IL20RB: variants seen among roughly 807,000 people sequenced by gnomAD.
IL20RB encodes interleukin 20 receptor subunit beta.
In IL20RB, 21 loss-of-function variants were observed where a neutral mutation model predicts 33.3. That is an observed-to-expected ratio of 0.63 (90% CI 0.45 to 0.91). The LOEUF is 0.91. Ranked by LOEUF, IL20RB falls within the 40% of genes least tolerant of loss-of-function variation. IL20RB has a pLI of 0.00. For missense variants in IL20RB, 345 were observed against 384.8 expected (o/e 0.90, Z 0.86); for synonymous variants, 147 against 146.8 (o/e 1.00, Z -0.01).
chr3:136,985,885 T>C (rs559518296), intron 3 of IL20RB, among the ~76,000 whole-genome samples: 1 of 152,178 alleles, frequency 6.6e-6, no homozygotes, highest in African/African-American at 2.4e-5. Flanking sequence ...GAGGTAGAAA[T>C]GTAGAAAGAA....
chr3:136,970,131 A>G (rs1268349701), intron 1 of IL20RB, among the ~76,000 whole-genome samples: 2 of 150,922 alleles, frequency 1.3e-5, no homozygotes, highest in East Asian at 3.9e-4. Context: ...ACACTCTGTC[A>G]CCCCAGGCTA....
At chr3:136,986,245 A>AC in intron 3 of IL20RB, among the ~76,000 whole-genome samples, 2 of 141,952 alleles carry the variant, frequency 1.4e-5, no homozygotes, top group Non-Finnish European at 3.0e-5. Context: ...ATAAATAAAT[A>AC]AATAAATAAA....
At position 136,971,106 on chromosome 3, in the gene IL20RB, T is replaced by C. The variant is rs114038465; in HGVS notation, c.89-9360T>C. Among the ~76,000 whole-genome samples the C allele has an allele frequency of 3.1e-3, 477 of 152,316 alleles. 3 individuals are homozygous for C. Among genetic ancestry groups the C allele is most frequent in the Non-Finnish European group, 5.4e-3 (366 of 68,022 alleles). On this transcript the variant is annotated intron_variant, in intron 1 of 6. Coordinates refer to ENST00000329582, the MANE Select transcript of IL20RB (RefSeq NM_144717.4). The stretch of plus-strand genomic sequence containing the variant: ...GATAACCCTAGTCTGCTATCAGGTA[T>C]TGAATTTATTCCTTCTAACTATATG...
chr3:136,986,731 A>G (rs1370884947), intron 3 of IL20RB: 1 of 456,872 alleles, frequency 2.2e-6, no homozygotes, highest in South Asian at 1.5e-5. Context: ...TGTGTCCGGA[A>G]TTGGTGGGTT....
intron 5 of IL20RB, among the ~76,000 whole-genome samples, chr3:136,993,495 A>C (rs1356737480): frequency 2.0e-5 from 3 of 152,128 alleles, no homozygotes; most frequent in Non-Finnish European, 4.4e-5. Context: ...ATATGTATAC[A>C]TGTGCCATGT....
intron 1 of IL20RB, among the ~76,000 whole-genome samples, chr3:136,963,252 A>G (rs1055230251): frequency 2.0e-5 from 3 of 152,138 alleles, no homozygotes; most frequent in African/African-American, 7.2e-5. Flanking sequence ...GACTGTGAAT[A>G]TTTGTGTGCA....
At chr3:136,981,553 A>C (rs1017583542) in intron 2 of IL20RB, among the ~76,000 whole-genome samples, 2 of 152,204 alleles carry the variant, frequency 1.3e-5, no homozygotes, top group African/African-American at 4.8e-5. Context: ...TGAGGAGGTG[A>C]TATTTATGCC....
chr3:136,987,471 T>G (rs1185857162), intron 3 of IL20RB, among the ~76,000 whole-genome samples: 2 of 152,180 alleles, frequency 1.3e-5, no homozygotes, highest in African/African-American at 4.8e-5. Flanking sequence ...ATCCCTGAGC[T>G]AGACATAAAG....
intron 1 of IL20RB, among the ~76,000 whole-genome samples, chr3:136,976,879 C>T (rs1156488504): frequency 6.6e-6 from 1 of 152,160 alleles, no homozygotes; most frequent in Admixed American, 6.5e-5. Context: ...CTGGCAGCTC[C>T]CTATGTATGT....
intron 1 of IL20RB, among the ~76,000 whole-genome samples, chr3:136,977,470 AT>A (rs960498318): frequency 7.9e-5 from 12 of 151,972 alleles, no homozygotes; most frequent in African/African-American, 2.9e-4. Context: ...ATTTACACCT[AT>A]TTTTTTAGTG....
At position 136,958,029 on chromosome 3, in the gene IL20RB, T is replaced by C. The variant is rs1941089066; in HGVS notation, c.-85T>C. On this transcript the variant is annotated 5_prime_UTR_variant, in exon 1 of 7. The change abolishes an upstream ATG in the 5' untranslated region. Transcript: ENST00000329582. Reference sequence around the variant, plus strand: ...CGACTCAGACCTCAGCTCCAACATATGCATTCTGAAGAAAGATGGCTGAGA... The same window carrying C: ...CGACTCAGACCTCAGCTCCAACATACGCATTCTGAAGAAAGATGGCTGAGA... The C allele has an allele frequency of 5.9e-6, 5 of 840,366 alleles. No homozygotes were observed. Among genetic ancestry groups the C allele is most frequent in the South Asian group, 2.9e-5 (2 of 68,044 alleles). 52.1% of individuals were successfully genotyped at this position (840,366 alleles called of 1,614,324 possible).
intron 6 of IL20RB, among the ~76,000 whole-genome samples, chr3:137,000,759 C>A (rs1235243748): frequency 1.3e-5 from 2 of 152,314 alleles, no homozygotes; most frequent in East Asian, 1.9e-4. Flanking sequence ...TGGTGAAAAG[C>A]TCAGCCTTCC....
At chr3:136,995,663 G>A in intron 6 of IL20RB, 107 bp downstream of exon 6, 1 of 1,068,260 alleles carries the variant, frequency 9.4e-7, no homozygotes, top group South Asian at 1.5e-5. Flanking sequence ...TGAGATTATA[G>A]GCATCTGCAC....
chr3:136,980,534 A>C lies in IL20RB; in HGVS notation c.157A>C (p.Met53Leu). The stretch of plus-strand genomic sequence containing the variant: ...CTCAACCAACATGAAGCATCTCTTG[A>C]TGTGGAGCCCAGTGATCGCGCCTGG... ...VLSTNMKHLL[M>L]WSPVIAPGET... The change falls in exon 2 of 7, where the codon ATG becomes CTG. Residue 53 changes from methionine (M) to leucine (L), a missense_variant. Transcript: ENST00000329582. The C allele has an allele frequency of 6.2e-7, 1 of 1,614,174 alleles. No homozygotes were observed. The highest frequency in any genetic ancestry group is 8.5e-7 in the Non-Finnish European group (1 of 1,180,024).
intron 5 of IL20RB, among the ~76,000 whole-genome samples, chr3:136,993,663 A>G (rs1414831941): frequency 2.0e-5 from 3 of 151,748 alleles, no homozygotes; most frequent in Non-Finnish European, 2.9e-5. Flanking sequence ...GAGTGAGAAC[A>G]TGCAGTGTAT....
intron 1 of IL20RB, among the ~76,000 whole-genome samples, chr3:136,977,270 A>G (rs534772529): frequency 6.6e-6 from 1 of 152,288 alleles, no homozygotes; most frequent in South Asian, 2.1e-4. Flanking sequence ...GGAAAAACTT[A>G]TCTATATTAA....
At chr3:137,001,948 C>T (rs777638749) in intron 6 of IL20RB, among the ~76,000 whole-genome samples, 11 of 152,172 alleles carry the variant, frequency 7.2e-5, no homozygotes, top group East Asian at 3.9e-4. Flanking sequence ...TGACAGGCCC[C>T]GGTGTGTGAT....
intron 3 of IL20RB, among the ~76,000 whole-genome samples, chr3:136,983,746 A>G (rs180766006): frequency 2.0e-5 from 3 of 152,344 alleles, no homozygotes; most frequent in Non-Finnish European, 4.4e-5. Context: ...ACAAGATGTC[A>G]TCTTGTGGAT....
intron 1 of IL20RB, among the ~76,000 whole-genome samples, chr3:136,958,926 T>TCTCTCTGTCTCTCTGTCTCA (rs1941120129): frequency 7.1e-6 from 1 of 140,608 alleles, no homozygotes; most frequent in Non-Finnish European, 1.5e-5. Context: ...TCTCTCTCTC[T>TCTCTCTGTCTCTCTGTCTCA]CTCTCTGTCT....
Sources: allele counts gnomAD v4.1 joint callset (sites outside exome capture counted in the v4.1 genomes callset), GRCh38; gene constraint gnomAD v4.1.1; transcripts MANE v1.5; gene names NCBI Gene and HGNC (gene_info 2026-07-23, HGNC 2026-07-21).